Variants in TACC2 observed in about 807,000 individuals in gnomAD.
TACC2 encodes transforming acidic coiled-coil-containing protein 2.
TACC2 carries 137 observed loss-of-function variants against 227.3 expected under a neutral mutation model. The ratio of observed to expected loss-of-function variants is 0.60; its 90% CI spans 0.52 to 0.69. The LOEUF (loss-of-function observed/expected upper bound fraction) is 0.69. Among genes scored for constraint, TACC2 ranks in the 30% least tolerant of loss-of-function variants. The pLI is 0.00. For missense variants in TACC2, 3,470 were observed against 3,694.4 expected (o/e 0.94, Z 1.57); for synonymous variants, 1,523 against 1,487.5 (o/e 1.02, Z -0.55).
intron 5 of TACC2, among the ~76,000 whole-genome samples, chr10:122,122,816 T>C (rs1354784562): frequency 6.6e-6 from 1 of 152,236 alleles, no homozygotes; most frequent in Admixed American, 6.5e-5. Context: ...GTGCTTACAA[T>C]GTGAGCTGCC....
At chr10:122,022,494 CCTT>C (rs1957450346) in intron 2 of TACC2, 2 of 153,342 alleles carry the variant, frequency 1.3e-5, no homozygotes, top group Admixed American at 6.5e-5. Flanking sequence ...AAGTAATTCT[CCTT>C]CTTTCACTCC....
At chr10:122,226,728 A>T (rs528501753) in intron 13 of TACC2, among the ~76,000 whole-genome samples, 1 of 152,182 alleles carries the variant, frequency 6.6e-6, no homozygotes, top group South Asian at 2.1e-4. Context: ...CATGAGCCAC[A>T]ATACCTGGCC....
In TACC2 at chr10:122,211,041, G is replaced by T; in HGVS notation, c.6616G>T (p.Asp2206Tyr). The change falls in exon 9 of 23, where the codon GAC becomes TAC. Residue 2206 changes from aspartate to tyrosine, a missense_variant. By Grantham distance (160) the Asp-to-Tyr change is radical. Around this residue, in one of 10 missense-constraint regions of TACC2, gnomAD observed 593 missense variants for 636.6 expected, o/e 0.93. Transcript: ENST00000369005. ...GGGGCCCAAAGCTGCCTGCCCTCTG[G>T]ACTCAGAGAGTGCAGAAGGGGTTGT... The part of the protein sequence containing the change: ...AVGPKAACPL[D>Y]SESAEGVVPP... The T allele has an allele frequency of 6.2e-7, 1 of 1,612,678 alleles. No individual in the cohort carries two copies.
chr10:122,124,124 A>G (rs1267950609), intron 5 of TACC2, among the ~76,000 whole-genome samples: 1 of 152,148 alleles, frequency 6.6e-6, no homozygotes, highest in Non-Finnish European at 1.5e-5. Context: ...TTTAATCTTT[A>G]TTAAACATAA....
intron 5 of TACC2, among the ~76,000 whole-genome samples, chr10:122,119,779 T>G (rs1442073403): frequency 6.6e-6 from 1 of 152,028 alleles, no homozygotes; most frequent in Non-Finnish European, 1.5e-5. Flanking sequence ...CTGGACTGGG[T>G]GTGGTGGTAT....
At chr10:122,060,828 A>T (rs1393471198) in intron 3 of TACC2, among the ~76,000 whole-genome samples, 1 of 151,852 alleles carries the variant, frequency 6.6e-6, no homozygotes, top group Non-Finnish European at 1.5e-5. Flanking sequence ...AACATGGCGA[A>T]ACTCTGTCTC....
At chr10:122,239,788 G>A (rs1364661993) in intron 18 of TACC2, among the ~76,000 whole-genome samples, 4 of 152,146 alleles carry the variant, frequency 2.6e-5, no homozygotes, top group African/African-American at 4.8e-5. Context: ...ACCAGCTGGT[G>A]CAGATGTACC....
intron 3 of TACC2, among the ~76,000 whole-genome samples, chr10:122,072,708 C>T (rs543500485): frequency 3.3e-5 from 5 of 152,282 alleles, no homozygotes; most frequent in South Asian, 4.1e-4. Flanking sequence ...GAGCAGTTGT[C>T]GTGCCAGTAC....
Position 122,103,817 on chromosome 10 carries a change from T to C in TACC2, c.5573+15226T>C, listed in dbSNP as rs561035253. 7.2e-5 allele frequency among the ~76,000 whole-genome samples: 11 copies of C among 152,308 alleles called. No homozygotes were observed. The South Asian group carries it at 2.3e-3, about 32-fold the overall frequency. On this transcript the variant is annotated intron_variant, in intron 5 of 22. Transcript: ENST00000369005. Reference sequence around the variant, plus strand: ...AGGAGAGAGGAAGGATGGAGGACGATGAGCACTGGACTGGGGTCAACCTAG... The same window carrying C: ...AGGAGAGAGGAAGGATGGAGGACGACGAGCACTGGACTGGGGTCAACCTAG...
chr10:122,221,708 A>G (rs2095527306), intron 11 of TACC2, among the ~76,000 whole-genome samples: 1 of 152,228 alleles, frequency 6.6e-6, no homozygotes, highest in Non-Finnish European at 1.5e-5. Flanking sequence ...ATATCTGATC[A>G]TGCTCCTTTA....
intron 16 of TACC2, among the ~76,000 whole-genome samples, chr10:122,235,098 T>A (rs1272850819): frequency 6.6e-6 from 1 of 152,216 alleles, no homozygotes; most frequent in East Asian, 1.9e-4. Context: ...CTTTTTAAAA[T>A]TTTTTTAAGA....
chr10:122,182,962 C>T (rs536613927), intron 7 of TACC2, among the ~76,000 whole-genome samples: 1 of 152,110 alleles, frequency 6.6e-6, no homozygotes, highest in Non-Finnish European at 1.5e-5. Flanking sequence ...CTGGCTCTTT[C>T]GGAGGCCAAG....
At chr10:122,008,264 A>ATTATTATTATTATTATT in intron 1 of TACC2, among the ~76,000 whole-genome samples, 13 of 134,664 alleles carry the variant, frequency 9.7e-5, no homozygotes, top group South Asian at 9.5e-4. Context: ...TATTATTATT[A>ATTATTATTATTATTATT]TTTTTTTTTT....
intron 2 of TACC2, among the ~76,000 whole-genome samples, chr10:122,049,735 T>C (rs1340078712): frequency 6.6e-6 from 1 of 152,170 alleles, no homozygotes; most frequent in Non-Finnish European, 1.5e-5. Flanking sequence ...TTCTGTTTTT[T>C]TTTTTTAATT....
intron 1 of TACC2, among the ~76,000 whole-genome samples, chr10:121,993,067 C>G (rs1419955972): frequency 6.6e-6 from 1 of 152,126 alleles, no homozygotes; most frequent in Non-Finnish European, 1.5e-5. Flanking sequence ...CACCTGTAAT[C>G]CCAGCACTTT....
At chr10:122,111,709 T>G (rs2083648505) in intron 5 of TACC2, among the ~76,000 whole-genome samples, 1 of 151,880 alleles carries the variant, frequency 6.6e-6, no homozygotes, top group South Asian at 2.1e-4. Context: ...TTGGCCAGGA[T>G]GGTCTCAATC....
At chr10:122,053,089 C>T (rs962819079) in intron 3 of TACC2, among the ~76,000 whole-genome samples, 2 of 152,106 alleles carry the variant, frequency 1.3e-5, no homozygotes, top group African/African-American at 4.8e-5. Context: ...GGTGGGTATG[C>T]CAAGTGTATT....
chr10:122,236,246 T>G (rs890360143), intron 16 of TACC2, among the ~76,000 whole-genome samples: 6 of 152,152 alleles, frequency 3.9e-5, no homozygotes, highest in Non-Finnish European at 8.8e-5. Flanking sequence ...CTGTCCTTGA[T>G]AAGCCCTCAT....
rs188065740 is a variant in TACC2 at position 122,050,161 on chromosome 10, C to T, written c.34-277C>T. Among the ~76,000 whole-genome samples, 346 of 152,278 alleles carry T rather than the reference C, an allele frequency of 2.3e-3. 1 individual carries two copies. The highest frequency in any genetic ancestry group is 4.1e-3 in the Admixed American group (62 of 15,290). ...AGTGACCCCAAAGTGTGGTAGGTGT[C>T]CCCAGTTTTGGTTTTTCTACTAAAG... On this transcript the variant is annotated intron_variant, in intron 2 of 22. Coordinates refer to ENST00000369005, the MANE Select transcript of TACC2 (RefSeq NM_206862.4). The surrounding 1 kb of genome is among the most constrained non-coding windows in gnomAD (Gnocchi z 4.6).
Sources: allele counts gnomAD v4.1 joint callset (sites outside exome capture counted in the v4.1 genomes callset), GRCh38; gene constraint gnomAD v4.1.1; regional missense constraint gnomAD v4.1.1; non-coding constraint Gnocchi (gnomAD v3.1); transcripts MANE v1.5; gene names NCBI Gene and HGNC (gene_info 2026-07-23, HGNC 2026-07-21).